Variants in KIAA1671 observed in about 807,000 individuals in gnomAD.
The protein encoded by KIAA1671 is KIAA1671, also known as uncharacterized protein KIAA1671.
Under a neutral mutation model 131.2 loss-of-function variants are expected in KIAA1671, and 52 were observed. That is an observed-to-expected ratio of 0.40 (90% CI 0.32 to 0.50). KIAA1671 has a LOEUF of 0.50. KIAA1671 is among the 20% of genes least tolerant of loss of function. The probability of loss-of-function intolerance (pLI) is 0.73; values close to 1 mark genes in which losing one functional copy is unlikely to be tolerated. For missense variants in KIAA1671, 2,360 were observed against 2,364.2 expected, an observed-to-expected ratio of 1.00 and a Z score of 0.04; for synonymous variants, 1,003 against 961.6, an observed-to-expected ratio of 1.04 and a Z score of -0.80.
chr22:25,105,461 A>G (rs532628581), intron 6 of KIAA1671, among the ~76,000 whole-genome samples: 1 of 152,352 alleles, frequency 6.6e-6, no homozygotes, highest in Non-Finnish European at 1.5e-5. Context: ...ATTATGTAAG[A>G]AAAAGATGGT....
chr22:24,964,918 C>T (rs533429430), intron 1 of KIAA1671, among the ~76,000 whole-genome samples: 23 of 152,028 alleles, frequency 1.5e-4, no homozygotes, highest in Admixed American at 9.2e-4. Context: ...TGGGCAGAGC[C>T]GAAAAATCCT....
At chr22:24,999,422 G>T (rs1226878323) in intron 1 of KIAA1671, among the ~76,000 whole-genome samples, 1 of 151,654 alleles carries the variant, frequency 6.6e-6, no homozygotes, top group Non-Finnish European at 1.5e-5. Context: ...GCAAAGACAG[G>T]GTCTCATCAT....
At chr22:25,049,695 T>A (rs1197488823) in intron 6 of KIAA1671, 2 of 231,668 alleles carry the variant, frequency 8.6e-6, no homozygotes, top group Non-Finnish European at 1.7e-5. Context: ...TCTTTGAGAT[T>A]TTGAGCAATT....
At chr22:25,182,714 G>T (rs187061079) in intron 10 of KIAA1671, among the ~76,000 whole-genome samples, 1 of 152,280 alleles carries the variant, frequency 6.6e-6, no homozygotes, top group East Asian at 1.9e-4. Context: ...TCATAGCTAA[G>T]CCTTGGTTTG....
At chr22:25,088,751 A>G (rs1054144871) in intron 6 of KIAA1671, among the ~76,000 whole-genome samples, 1 of 152,154 alleles carries the variant, frequency 6.6e-6, no homozygotes, top group Non-Finnish European at 1.5e-5. Flanking sequence ...ATCACCTCCA[A>G]TCTGCAGTCC....
At chr22:25,020,553 G>T (rs9624699) in intron 1 of KIAA1671, among the ~76,000 whole-genome samples, 1 of 152,048 alleles carries the variant, frequency 6.6e-6, no homozygotes, top group African/African-American at 2.4e-5. Flanking sequence ...CTTCTTGCTA[G>T]GAGCTCACAG....
intron 6 of KIAA1671, among the ~76,000 whole-genome samples, chr22:25,087,588 A>AAACC (rs368830395): frequency 6.6e-5 from 10 of 152,252 alleles, no homozygotes; most frequent in Non-Finnish European, 7.4e-5. Context: ...TCCATCTCAA[A>AAACC]AACCAACCAA....
intron 6 of KIAA1671, among the ~76,000 whole-genome samples, chr22:25,146,630 A>C (rs1932883622): frequency 1.3e-5 from 2 of 152,190 alleles, no homozygotes; most frequent in South Asian, 4.1e-4. Flanking sequence ...AGGGCAGGTG[A>C]CTTCCCTTTG....
chr22:24,988,620 C>A (rs1261011222), intron 1 of KIAA1671, among the ~76,000 whole-genome samples: 4 of 151,582 alleles, frequency 2.6e-5, no homozygotes, highest in African/African-American at 9.7e-5. Flanking sequence ...CCTGTAATCC[C>A]AGCTACTTGG....
At position 25,196,842 on chromosome 22, in the gene KIAA1671, T is replaced by C. The variant is rs1934844477; in HGVS notation, c.*4441T>C. 6.6e-6 allele frequency: 1 copy of C among 152,180 alleles called. No homozygotes were observed. The highest frequency in any genetic ancestry group is 2.4e-5 in the African/African-American group (1 of 41,430). The allele number at this position is 152,180 out of a possible 1,614,324, so 9.4% of individuals were successfully genotyped here. A position where few individuals can be genotyped will look rare whatever the true frequency, so the allele number is the denominator to read the frequency against. Reference sequence around the variant, plus strand: ...TGTTATGGAAGATAATTTTGTACTGTGCTGTTTCCTAAATCATACCAATAT... The same window carrying C: ...TGTTATGGAAGATAATTTTGTACTGCGCTGTTTCCTAAATCATACCAATAT... On this transcript the variant is annotated 3_prime_UTR_variant, in exon 13 of 13. Transcript: ENST00000358431.
At chr22:25,153,559 C>T (rs1031814067) in intron 6 of KIAA1671, among the ~76,000 whole-genome samples, 3 of 152,236 alleles carry the variant, frequency 2.0e-5, no homozygotes, top group African/African-American at 7.2e-5. Context: ...ATACCTGGCC[C>T]CTGGGTTTGA....
chr22:25,016,944 G>A (rs7291405), intron 1 of KIAA1671, among the ~76,000 whole-genome samples: 1 of 152,134 alleles, frequency 6.6e-6, no homozygotes, highest in East Asian at 1.9e-4. Context: ...GCCTATAGGC[G>A]GTGTGCCCAG....
intron 1 of KIAA1671, chr22:25,009,799 G>T (rs933147249): frequency 6.6e-6 from 1 of 152,242 alleles, no homozygotes; most frequent in African/African-American, 2.4e-5. Flanking sequence ...AGCCAGGATG[G>T]TCTCGATCTC....
chr22:25,017,950 T>G (rs1452166604), intron 1 of KIAA1671, among the ~76,000 whole-genome samples: 1 of 151,780 alleles, frequency 6.6e-6, no homozygotes, highest in Non-Finnish European at 1.5e-5. Context: ...GAATAGTGCT[T>G]GCGCTCTAAT....
chr22:25,188,599 A>G (rs574638475), intron 11 of KIAA1671, among the ~76,000 whole-genome samples: 1 of 152,204 alleles, frequency 6.6e-6, no homozygotes, highest in South Asian at 2.1e-4. Context: ...TTAACTACTA[A>G]TAGCCTAGTG....
chr22:25,086,203 A>T (rs1929713503), intron 6 of KIAA1671, among the ~76,000 whole-genome samples: 1 of 152,252 alleles, frequency 6.6e-6, no homozygotes, highest in African/African-American at 2.4e-5. Context: ...GAAACTTTTC[A>T]TCCTCAGAGA....
At chr22:25,003,629 G>T (rs1344859327) in intron 1 of KIAA1671, among the ~76,000 whole-genome samples, 1 of 151,420 alleles carries the variant, frequency 6.6e-6, no homozygotes, top group Non-Finnish European at 1.5e-5. Flanking sequence ...AGCCAGGATG[G>T]TCTTGATCTC....
chr22:25,023,356 G>A (rs1336639846), intron 1 of KIAA1671: 2 of 152,046 alleles, frequency 1.3e-5, no homozygotes, highest in Non-Finnish European at 2.9e-5. Flanking sequence ...TACAAAGTGA[G>A]ACTGTCTAAA....
chr22:25,049,717 G>A (rs527304073), intron 6 of KIAA1671: 3 of 192,440 alleles, frequency 1.6e-5, no homozygotes, highest in East Asian at 1.2e-4. Flanking sequence ...ACTTAATTTC[G>A]CTGCACTTCA....
Sources: gnomAD v4.1 joint callset for allele counts (sites outside exome capture counted in the v4.1 genomes callset) on GRCh38, gnomAD v4.1.1 for gene constraint, MANE v1.5 for transcripts, NCBI Gene and HGNC (gene_info 2026-07-23, HGNC 2026-07-21) for gene names.